The following HMGXB3 variants were observed in gnomAD, a reference collection of about 807,000 sequenced individuals.
The protein encoded by HMGXB3 is HMG-box containing 3.
A neutral mutation model predicts 121.5 loss-of-function variants in HMGXB3; 45 were observed. The observed-to-expected ratio is 0.37, with a 90% CI of 0.29 to 0.47. The LOEUF (loss-of-function observed/expected upper bound fraction) is 0.47, where lower values mean the gene tolerates loss of function less well. Among genes scored for constraint, HMGXB3 ranks in the 20% least tolerant of loss-of-function variants. The pLI is 0.99. For synonymous variants in HMGXB3, 590 were observed against 624.1 expected (o/e 0.95, Z 0.81); for missense variants, 1,376 against 1,602.2 (o/e 0.86, Z 2.41).
At chr5:150,031,891 T>A (rs1756391340) in intron 10 of HMGXB3, among the ~76,000 whole-genome samples, 1 of 152,042 alleles carries the variant, frequency 6.6e-6, no homozygotes, top group Non-Finnish European at 1.5e-5. Flanking sequence ...TCAGGTTTCT[T>A]TCTCTTGTGA....
Position 150,051,730 on chromosome 5 carries a change from G to A in HMGXB3, c.3417G>A (p.Val1139=), listed in dbSNP as rs1376218940. ...FSSPTEPPVS[V]SCPELLDQHY... Reference sequence around the variant, plus strand: ...CATTCTCATTTCTCTTCTAGAGTGTGTCCTGCCCAGAGCTCTTGGACCAGC... The same window carrying A: ...CATTCTCATTTCTCTTCTAGAGTGTATCCTGCCCAGAGCTCTTGGACCAGC... The change falls in exon 20 of 20, where the codon GTG becomes GTA. Residue 1139 remains valine, a synonymous_variant. Coordinates refer to ENST00000502717, the MANE Select transcript of HMGXB3 (RefSeq NM_014983.3). The A allele has an allele frequency of 5.3e-6, 8 of 1,523,518 alleles. No individual in the cohort carries two copies. The highest frequency in any genetic ancestry group is 2.5e-5 in the East Asian group (1 of 40,520). 94.4% of individuals were successfully genotyped at this position (1,523,518 alleles called of 1,614,324 possible).
At chr5:150,016,697 C>G (rs562832832) in intron 5 of HMGXB3, among the ~76,000 whole-genome samples, 48 of 152,196 alleles carry the variant, frequency 3.2e-4, no homozygotes, top group South Asian at 4.1e-4. Flanking sequence ...AAGCAAGACC[C>G]TCTGACAGTC....
At chr5:150,045,369 C>G in intron 15 of HMGXB3, 97 bp from the exon 16 acceptor site, 4 of 1,033,484 alleles carry the variant, frequency 3.9e-6, no homozygotes, top group Non-Finnish European at 5.8e-6. Flanking sequence ...CTTCACCAAG[C>G]CTTGGCTTCC....
intron 14 of HMGXB3, 65 bp from the exon 15 acceptor site, chr5:150,041,720 G>T: frequency 8.2e-7 from 1 of 1,226,710 alleles, no homozygotes; most frequent in Non-Finnish European, 1.2e-6. Context: ...CTACCCACTG[G>T]CTCATCCCTA....
At chr5:150,040,968 G>C in intron 14 of HMGXB3, 89 bp downstream of exon 14, 2 of 1,207,302 alleles carry the variant, frequency 1.7e-6, no homozygotes, top group Non-Finnish European at 2.2e-6. Context: ...GACTCATTTT[G>C]AAGAAGAGTC....
In HMGXB3 at chr5:150,027,004, C is replaced by T; in HGVS notation, c.1637-16C>T. The T allele has an allele frequency of 6.5e-7, 1 of 1,549,796 alleles. No individual in the cohort carries two copies. Among genetic ancestry groups the T allele is most frequent in the Non-Finnish European group, 8.7e-7 (1 of 1,145,582 alleles). On this transcript the variant is annotated splice_polypyrimidine_tract_variant and intron_variant, in intron 8 of 19. Coordinates refer to ENST00000502717, the MANE Select transcript of HMGXB3 (RefSeq NM_014983.3). ...GAATGCACTTAAGTCACCAGTTTGGCTCCTGGTTCTCTCAGATAAGACTCC... is the reference window on the plus strand; with the variant it reads ...GAATGCACTTAAGTCACCAGTTTGGTTCCTGGTTCTCTCAGATAAGACTCC...
At chr5:150,033,462 A>G (rs1159409666) in intron 11 of HMGXB3, among the ~76,000 whole-genome samples, 1 of 152,178 alleles carries the variant, frequency 6.6e-6, no homozygotes, top group African/African-American at 2.4e-5. Flanking sequence ...GTGAGTGAAC[A>G]TGAAGTGTGA....
chr5:150,026,945 G>T (rs188894283), intron 8 of HMGXB3, 64 bp downstream of exon 8: 3 of 1,527,986 alleles, frequency 2.0e-6, no homozygotes, highest in African/African-American at 2.7e-5. Context: ...GGAGTGGGGG[G>T]TTGAGAACGG....
rs1756936683 is a variant in HMGXB3 at position 150,052,287 on chromosome 5, C to T, written c.*95C>T. ...TCCAGGGGACCTGCAGAAGTGGTCT[C>T]CTGTGGGGAGGGCCTCTGACTGCTG... is the stretch of plus-strand genomic sequence containing the variant. On this transcript the variant is annotated 3_prime_UTR_variant, in exon 20 of 20. Transcript: ENST00000502717. 4 of 1,015,100 alleles carry T rather than the reference C, an allele frequency of 3.9e-6. No homozygotes were observed. Among genetic ancestry groups the T allele is most frequent in the South Asian group, 3.3e-5 (2 of 61,528 alleles). The allele number at this position is 1,015,100 out of a possible 1,614,324, so 62.9% of individuals were successfully genotyped here.
chr5:150,029,330 GTTT>G (rs79467916), intron 9 of HMGXB3, among the ~76,000 whole-genome samples: 2 of 139,480 alleles, frequency 1.4e-5, no homozygotes, highest in African/African-American at 2.6e-5. Flanking sequence ...TAGTTATCAA[GTTT>G]TTTTTTTTTT....
chr5:150,049,048 A>G (rs1308422480), intron 18 of HMGXB3, among the ~76,000 whole-genome samples: 2 of 152,232 alleles, frequency 1.3e-5, no homozygotes, highest in African/African-American at 4.8e-5. Flanking sequence ...TAAGATAGAA[A>G]GTAACAGGGA....
chr5:150,051,267 A>G (rs906763183), intron 19 of HMGXB3, among the ~76,000 whole-genome samples: 1 of 152,184 alleles, frequency 6.6e-6, no homozygotes, highest in Non-Finnish European at 1.5e-5. Context: ...GTCAGAACTG[A>G]TAATTAGGAA....
At chr5:150,024,888 C>T (rs1295626096) in intron 7 of HMGXB3, among the ~76,000 whole-genome samples, 2 of 152,214 alleles carry the variant, frequency 1.3e-5, no homozygotes, top group Admixed American at 6.5e-5. Context: ...ATTACTTACA[C>T]ATCTCTTCTT....
rs748911945 is a variant in HMGXB3 at position 150,051,863 on chromosome 5, C to A, written c.3550C>A (p.Pro1184Thr). The change falls in exon 20 of 20, where the codon CCC becomes ACC. Residue 1184 changes from proline to threonine, a missense_variant. Transcript: ENST00000502717. The stretch of plus-strand genomic sequence containing the variant: ...AGGCCTACAGCCCAATCCTGGTGAC[C>A]CCAGTGCTGGGCACCACTCCTTGGC... ...HAGLQPNPGD[P>T]SAGHHSLALC... is the part of the protein sequence containing the mutation. 1 of 1,551,140 alleles carries A rather than the reference C, an allele frequency of 6.4e-7. No homozygotes were observed.
rs1201792318 is a variant in HMGXB3 at position 150,051,756 on chromosome 5, A to G, written c.3443A>G (p.His1148Arg). 3.2e-6 allele frequency: 5 copies of G among 1,540,684 alleles called. No individual in the cohort carries two copies. Among genetic ancestry groups the G allele is most frequent in the East Asian group, 2.4e-5 (1 of 40,896 alleles). The change falls in exon 20 of 20, where the codon CAT (histidine) becomes CGT (arginine). Residue 1148 changes from histidine (H) to arginine (R), a missense_variant. Around this residue, in one of 2 missense-constraint regions of HMGXB3, gnomAD observed 260 missense variants for 233.2 expected, o/e 1.11. Coordinates refer to ENST00000502717, the MANE Select transcript of HMGXB3 (RefSeq NM_014983.3). The part of the protein sequence containing the change: ...SVSCPELLDQ[H>R]YTVDMTETEH... ...TCCTGCCCAGAGCTCTTGGACCAGC[A>G]TTATACTGTGGACATGACAGAAACT...
chr5:150,047,786 G>A lies in HMGXB3; in HGVS notation c.3084+29G>A, dbSNP rs763632990. On this transcript the variant is annotated intron_variant, in intron 17 of 19. Transcript: ENST00000502717. ...AGTGTCAAGGGCAGTGGTGGATATC[G>A]GGGCTTCTGGAGTAGGCTGATTGGT... The A allele has an allele frequency of 9.0e-5, 139 of 1,551,100 alleles. 1 individual carries two copies. The highest frequency in any genetic ancestry group is 3.3e-4 in the Middle Eastern group (2 of 6,010).
intron 1 of HMGXB3, among the ~76,000 whole-genome samples, chr5:150,001,776 C>T (rs1755576196): frequency 6.6e-6 from 1 of 152,216 alleles, no homozygotes; most frequent in Non-Finnish European, 1.5e-5. Flanking sequence ...AGGGTGTTGT[C>T]TTCCTGCCCT....
chr5:150,040,971 G>C (rs1271468618), intron 14 of HMGXB3, 92 bp downstream of exon 14: 3 of 1,190,680 alleles, frequency 2.5e-6, no homozygotes, highest in Non-Finnish European at 3.4e-6. Flanking sequence ...TCATTTTGAA[G>C]AAGAGTCTGA....
chr5:150,026,824 G>A lies in HMGXB3; in HGVS notation c.1579G>A (p.Val527Met), dbSNP rs748978880. The change falls in exon 8 of 20, where the codon GTG becomes ATG. Residue 527 changes from valine to methionine, a missense_variant. Physicochemically the swap from Val to Met is conservative, Grantham distance 21. Coordinates refer to ENST00000502717, the MANE Select transcript of HMGXB3 (RefSeq NM_014983.3). ...AGCAATTTTGCCAGCCCCAGTTAAC[G>A]TGGGGCGAGGCAGCAGCATGGGACT... ...MRAILPAPVN[V>M]GRGSSMGLPR... The A allele has an allele frequency of 1.9e-5, 30 of 1,544,048 alleles. No homozygotes were observed. The African/African-American group carries it at 2.3e-4, about 12-fold the overall frequency.
Sources: gnomAD v4.1 joint callset for allele counts (sites outside exome capture counted in the v4.1 genomes callset) on GRCh38, gnomAD v4.1.1 for gene constraint, gnomAD v4.1.1 regional missense constraint, MANE v1.5 for transcripts, NCBI Gene and HGNC (gene_info 2026-07-23, HGNC 2026-07-21) for gene names.